Variants in FAM171B observed in about 807,000 individuals in gnomAD.
FAM171B encodes protein FAM171B.
Under a neutral mutation model 75.6 loss-of-function variants are expected in FAM171B, and 19 were observed. That is an observed-to-expected ratio of 0.25 (90% CI 0.18 to 0.37). The LOEUF is 0.37. Ranked by LOEUF, FAM171B falls within the 10% of genes least tolerant of loss-of-function variation. The pLI is 1.00. For missense variants in FAM171B, 848 were observed against 982.4 expected (o/e 0.86, Z 1.83); for synonymous variants, 367 against 361.7 (o/e 1.01, Z -0.17).
At chr2:186,747,475 A>G (rs537477471) in intron 4 of FAM171B, among the ~76,000 whole-genome samples, 1 of 152,170 alleles carries the variant, frequency 6.6e-6, no homozygotes, top group Non-Finnish European at 1.5e-5. Flanking sequence ...TTTCAAATGC[A>G]TGGAAATTTT....
chr2:186,740,059 CG>C (rs1441529300), intron 1 of FAM171B, among the ~76,000 whole-genome samples, 168 bp from the exon 2 acceptor site: 1 of 152,022 alleles, frequency 6.6e-6, no homozygotes, highest in African/African-American at 2.4e-5. Flanking sequence ...AAATTTATTT[CG>C]TTTTACAAAG....
intron 2 of FAM171B, among the ~76,000 whole-genome samples, chr2:186,741,629 T>G (rs1429806909): frequency 6.6e-6 from 1 of 152,132 alleles, no homozygotes; most frequent in Non-Finnish European, 1.5e-5. Flanking sequence ...ACACTTAGAT[T>G]TTTTTACCTT....
intron 1 of FAM171B, among the ~76,000 whole-genome samples, chr2:186,704,950 C>T (rs1367389302): frequency 6.6e-6 from 1 of 152,212 alleles, no homozygotes; most frequent in Non-Finnish European, 1.5e-5. Context: ...AAGGGACTCT[C>T]ATTCCTTTAT....
chr2:186,744,584 A>C (rs970567045), intron 3 of FAM171B, among the ~76,000 whole-genome samples: 1 of 152,110 alleles, frequency 6.6e-6, no homozygotes, highest in South Asian at 2.1e-4. Flanking sequence ...CTGGAGTACA[A>C]TGGCACAATC....
intron 6 of FAM171B, among the ~76,000 whole-genome samples, chr2:186,754,592 T>C (rs1429309233): frequency 2.0e-5 from 3 of 152,118 alleles, no homozygotes; most frequent in Non-Finnish European, 4.4e-5. Context: ...ATTCTAGAGC[T>C]GAAGAATGAT....
chr2:186,744,151 T>C (rs1020515938), intron 3 of FAM171B, among the ~76,000 whole-genome samples: 1 of 152,210 alleles, frequency 6.6e-6, no homozygotes, highest in African/African-American at 2.4e-5. Flanking sequence ...CCGCACGCCT[T>C]AGAAACCTCA....
chr2:186,732,060 A>G (rs144939325), intron 1 of FAM171B, among the ~76,000 whole-genome samples: 3 of 152,310 alleles, frequency 2.0e-5, no homozygotes, highest in East Asian at 3.9e-4. Flanking sequence ...ATGCATTTGA[A>G]TCATCCTGAA....
chr2:186,708,391 C>T (rs1300992849), intron 1 of FAM171B, among the ~76,000 whole-genome samples: 2 of 152,000 alleles, frequency 1.3e-5, no homozygotes, highest in East Asian at 3.9e-4. Context: ...CATTGAATGT[C>T]TATGTGCCAG....
At chr2:186,749,958 A>G (rs1690425508) in intron 4 of FAM171B, among the ~76,000 whole-genome samples, 1 of 152,142 alleles carries the variant, frequency 6.6e-6, no homozygotes, top group Non-Finnish European at 1.5e-5. Context: ...GGGGGCAAAA[A>G]AGGATATTTG....
chr2:186,750,261 TA>T (rs933675142), intron 4 of FAM171B, among the ~76,000 whole-genome samples: 2 of 152,208 alleles, frequency 1.3e-5, no homozygotes, highest in African/African-American at 4.8e-5. Context: ...GCATTGCTAA[TA>T]TTTCAAAAGC....
In FAM171B at chr2:186,694,403, C is replaced by A. The variant is rs749278969; in HGVS notation, c.230C>A (p.Thr77Lys). 1 of 1,612,248 alleles carries A rather than the reference C, an allele frequency of 6.2e-7. No homozygotes were observed. Among genetic ancestry groups the A allele is most frequent in the South Asian group, 1.1e-5 (1 of 90,436 alleles). Residue 77 changes from threonine to lysine, a missense_variant, in exon 1 of 8, where the codon ACG becomes AAG. Transcript: ENST00000304698. ...GTGCCTGGGGCAACCTCCACCTTGA[C>A]GGTTCCAGGTAGGTCCTGGCTGCCC... ...TEVPGATSTL[T>K]VPVSVFMLKV...
At position 186,694,417 on chromosome 2, in the gene FAM171B, T is replaced by A. The variant is rs372991497; in HGVS notation, c.238+6T>A. The A allele has an allele frequency of 1.2e-5, 20 of 1,608,240 alleles. No individual in the cohort carries two copies. In the African/African-American group the frequency reaches 2.7e-4, roughly 21 times the overall value. The stretch of plus-strand genomic sequence containing the variant: ...CTCCACCTTGACGGTTCCAGGTAGG[T>A]CCTGGCTGCCCAGCCCGGTCTTTCA... On this transcript the variant is annotated splice_donor_region_variant and intron_variant, in intron 1 of 7. Transcript: ENST00000304698.
At chr2:186,707,502 G>A (rs1015752867) in intron 1 of FAM171B, among the ~76,000 whole-genome samples, 5 of 152,206 alleles carry the variant, frequency 3.3e-5, no homozygotes, top group Admixed American at 6.5e-5. Flanking sequence ...CTTGGGGATC[G>A]TTCCCAACCC....
At position 186,743,733 on chromosome 2, in the gene FAM171B, G is replaced by A. The variant is rs865815859; in HGVS notation, c.565+158G>A. ...AGTTGATCTGAACTGATATTTTACT[G>A]TCAAATGAATGGTGTGGGCTTTTTT... On this transcript the variant is annotated intron_variant, in intron 3 of 7. Coordinates refer to ENST00000304698, the MANE Select transcript of FAM171B (RefSeq NM_177454.4). Among the ~76,000 whole-genome samples the A allele has an allele frequency of 3.7e-4, 57 of 152,312 alleles. 1 individual carries two copies. The highest frequency in any genetic ancestry group is 6.8e-3 in the Middle Eastern group (2 of 294).
rs778920931 is a variant in FAM171B at position 186,764,570 on chromosome 2, CAAAAT to C, written c.*1748_*1752del. The C allele has an allele frequency of 7.6e-6, 1 of 131,784 alleles. No homozygotes were observed. The highest frequency in any genetic ancestry group is 2.8e-5 in the African/African-American group (1 of 35,584). The allele number at this position is 131,784 out of a possible 1,614,324, so 8.2% of individuals were successfully genotyped here. A position where few individuals can be genotyped will look rare whatever the true frequency, so the allele number is the denominator to read the frequency against. ...AAGATACATCAAAAGCAGCATGACT[CAAAAT>C]GATTTGGAAAAGGTTAAAGTTAGTG... On this transcript the variant is annotated 3_prime_UTR_variant, in exon 8 of 8. Transcript: ENST00000304698.
At position 186,764,230 on chromosome 2, in the gene FAM171B, G is replaced by C. The variant is rs1195130523; in HGVS notation, c.*1407G>C. 6.6e-6 allele frequency: 1 copy of C among 151,876 alleles called. No individual in the cohort carries two copies. The highest frequency in any genetic ancestry group is 1.5e-5 in the Non-Finnish European group (1 of 67,924). The allele number at this position is 151,876 out of a possible 1,614,324, so 9.4% of individuals were successfully genotyped here. A position where few individuals can be genotyped will look rare whatever the true frequency, so the allele number is the denominator to read the frequency against. Reference sequence around the variant, plus strand: ...TTTCATTCCCTCCTATTCAACATGGGAGCAGCATAGAGACCCAAACCATGT... The same window carrying C: ...TTTCATTCCCTCCTATTCAACATGGCAGCAGCATAGAGACCCAAACCATGT... On this transcript the variant is annotated 3_prime_UTR_variant, in exon 8 of 8. Transcript: ENST00000304698.
At chr2:186,723,854 T>C (rs1689990573) in intron 1 of FAM171B, among the ~76,000 whole-genome samples, 1 of 152,202 alleles carries the variant, frequency 6.6e-6, no homozygotes, top group Non-Finnish European at 1.5e-5. Context: ...AATTATTAAG[T>C]GGTTTTGAGC....
intron 1 of FAM171B, among the ~76,000 whole-genome samples, chr2:186,716,103 C>T (rs1689871259): frequency 6.6e-6 from 1 of 152,134 alleles, no homozygotes; most frequent in Non-Finnish European, 1.5e-5. Flanking sequence ...GCCTCAAACT[C>T]CTGGGATCAA....
At position 186,762,662 on chromosome 2, in the gene FAM171B, C is replaced by T; in HGVS notation, c.2320C>T (p.His774Tyr). ...LDGGSGVIME[H>Y]PGEESPGRKS... ...TGGAGGGAGTGGAGTGATCATGGAG[C>T]ACCCTGGAGAAGAGTCGCCAGGAAG... is the stretch of plus-strand genomic sequence containing the variant. Residue 774 changes from histidine (H) to tyrosine (Y), a missense_variant, in exon 8 of 8, where the codon CAC (histidine) becomes TAC (tyrosine). Coordinates refer to ENST00000304698, the MANE Select transcript of FAM171B (RefSeq NM_177454.4). The surrounding 1 kb of genome is among the most constrained non-coding windows in gnomAD (Gnocchi z 4.0). 2 of 1,613,128 alleles carry T rather than the reference C, an allele frequency of 1.2e-6. No individual in the cohort carries two copies. The highest frequency in any genetic ancestry group is 1.7e-6 in the Non-Finnish European group (2 of 1,179,604).
Sources: gnomAD v4.1 joint callset for allele counts (sites outside exome capture counted in the v4.1 genomes callset) on GRCh38, gnomAD v4.1.1 for gene constraint, Gnocchi (gnomAD v3.1) non-coding constraint, MANE v1.5 for transcripts, NCBI Gene and HGNC (gene_info 2026-07-23, HGNC 2026-07-21) for gene names.